The following MSANTD7 variants were observed in gnomAD, a reference collection of about 807,000 sequenced individuals.
The protein encoded by MSANTD7 is zinc finger and SCAN domain containing 29.
chr10:14,838,819 G>C, the MSANTD7 span, among the ~76,000 whole-genome samples: 1 of 152,148 alleles, frequency 6.6e-6, no homozygotes, highest in Non-Finnish European at 1.5e-5. Context: ...GGGACGGCGG[G>C]GCTGCGAGCA....
the MSANTD7 span, among the ~76,000 whole-genome samples, chr10:14,841,859 A>AT: frequency 1.3e-5 from 2 of 152,082 alleles, no homozygotes; most frequent in African/African-American, 2.4e-5. Context: ...GGTCCAGGTG[A>AT]TTTTCCCTCC....
chr10:14,843,349 A>G, the MSANTD7 span: 4 of 1,550,450 alleles, frequency 2.6e-6, no homozygotes, highest in African/African-American at 4.1e-5. Context: ...TCTCTTTGCA[A>G]CATTGTTGCT....
At chr10:14,838,638 C>T in the MSANTD7 span, 8 of 590,858 alleles carry the variant, frequency 1.4e-5, no homozygotes, top group Admixed American at 3.6e-5. Flanking sequence ...CTGGCGATTC[C>T]TCCGGAAAGT....
the MSANTD7 span, chr10:14,843,589 ACCAGTGAGCCCC>A: frequency 1.3e-6 from 2 of 1,550,630 alleles, no homozygotes; most frequent in Non-Finnish European, 1.7e-6. Flanking sequence ...TAGGCCCTTG[ACCAGTGAGCCCC>A]CTCCAAGGTG....
At chr10:14,844,795 G>A in the MSANTD7 span, 24 of 984,892 alleles carry the variant, frequency 2.4e-5, no homozygotes, top group South Asian at 4.7e-5. Context: ...TTTAAGTTTC[G>A]GTTGCCATTG....
At chr10:14,846,338 CT>C in the MSANTD7 span, 1 of 985,248 alleles carries the variant, frequency 1.0e-6, no homozygotes, top group Non-Finnish European at 1.2e-6. Flanking sequence ...ACAGGGATTT[CT>C]TTGAGATGAA....
the MSANTD7 span, among the ~76,000 whole-genome samples, chr10:14,839,061 C>G: frequency 6.6e-6 from 1 of 152,266 alleles, no homozygotes; most frequent in African/African-American, 2.4e-5. Context: ...CTGATGGTCC[C>G]GCAAAGCTGC....
chr10:14,842,688 G>A, the MSANTD7 span: 1 of 1,536,332 alleles, frequency 6.5e-7, no homozygotes, highest in Non-Finnish European at 8.7e-7. This position sits in a 1 kb window ranked among gnomAD's most constrained non-coding sequence, Gnocchi z 5.2. Flanking sequence ...GGGGAAGAGG[G>A]AACCGGCATT....
At chr10:14,840,038 TGTA>T in the MSANTD7 span, 5 of 1,349,410 alleles carry the variant, frequency 3.7e-6, no homozygotes, top group Admixed American at 1.0e-4. Context: ...TTACATACAT[TGTA>T]ATATATATAT....
the MSANTD7 span, chr10:14,845,456 G>A: frequency 8.1e-6 from 8 of 985,220 alleles, no homozygotes; most frequent in African/African-American, 3.5e-5. Context: ...GACGGCAAGC[G>A]AGCTGCTCTG....
At chr10:14,843,581 G>A in the MSANTD7 span, 4 of 1,550,662 alleles carry the variant, frequency 2.6e-6, no homozygotes, top group Non-Finnish European at 3.5e-6. Context: ...GGTGGGGATA[G>A]GCCCTTGACC....
At chr10:14,842,087 T>C in the MSANTD7 span, 1 of 1,427,752 alleles carries the variant, frequency 7.0e-7, no homozygotes, top group East Asian at 2.5e-5. This position sits in a 1 kb window ranked among gnomAD's most constrained non-coding sequence, Gnocchi z 5.2. Flanking sequence ...CTGCCAAAAT[T>C]ATCCTTACAC....
the MSANTD7 span, chr10:14,844,355 T>C: frequency 9.7e-7 from 1 of 1,029,336 alleles, no homozygotes; most frequent in East Asian, 1.0e-4. Context: ...TAAGGCAGAT[T>C]GGTTTACAAG....
At chr10:14,842,997 T>C in the MSANTD7 span, among the ~76,000 whole-genome samples, 13 of 152,190 alleles carry the variant, frequency 8.5e-5, no homozygotes, top group Non-Finnish European at 1.6e-4. This position sits in a 1 kb window ranked among gnomAD's most constrained non-coding sequence, Gnocchi z 5.2. Flanking sequence ...AATAGTAAGC[T>C]AAAGGGTTCC....
At chr10:14,841,365 G>A in the MSANTD7 span, 1 of 152,126 alleles carries the variant, frequency 6.6e-6, no homozygotes, top group South Asian at 2.1e-4. Flanking sequence ...CCAAATCACT[G>A]AGCAGCCAAC....
chr10:14,840,198 C>T, the MSANTD7 span: 6 of 976,214 alleles, frequency 6.1e-6, no homozygotes, highest in Non-Finnish European at 7.2e-6. Context: ...GTAATAGGAA[C>T]ATGTTCATAA....
At chr10:14,838,600 G>A in the MSANTD7 span, 30 of 802,672 alleles carry the variant, frequency 3.7e-5, no homozygotes, top group Non-Finnish European at 5.3e-5. Context: ...ACTCCGGAGC[G>A]AAGGGCCGGG....
chr10:14,841,996 G>C, the MSANTD7 span: 1 of 554,440 alleles, frequency 1.8e-6, no homozygotes, highest in East Asian at 4.2e-5. Context: ...TCTACCCTGG[G>C]TGAACTCCCA....
the MSANTD7 span, chr10:14,846,187 G>T: frequency 2.0e-6 from 2 of 985,062 alleles, no homozygotes; most frequent in African/African-American, 3.5e-5. Flanking sequence ...ATTCTCAATT[G>T]TCTTAGGCTA....
Sources: gnomAD v4.1 joint callset for allele counts (sites outside exome capture counted in the v4.1 genomes callset) on GRCh38, gnomAD v4.1.1 for gene constraint, Gnocchi (gnomAD v3.1) non-coding constraint, MANE v1.5 for transcripts, NCBI Gene and HGNC (gene_info 2026-07-23, HGNC 2026-07-21) for gene names.